SOX5: variants seen among roughly 807,000 people sequenced by gnomAD.
The protein encoded by SOX5 is transcription factor SOX-5.
A neutral mutation model predicts 92.0 loss-of-function variants in SOX5; 9 were observed. That is an observed-to-expected ratio of 0.10 (90% CI 0.06 to 0.17). The LOEUF (loss-of-function observed/expected upper bound fraction) is 0.17. Ranked by LOEUF, SOX5 falls within the 10% of genes least tolerant of loss-of-function variation. The pLI is 1.00. For synonymous variants in SOX5, 344 were observed against 336.3 expected (o/e 1.02, Z -0.25); for missense variants, 642 against 944.5 (o/e 0.68, Z 4.20).
intron 1 of SOX5, among the ~76,000 whole-genome samples, chr12:24,530,742 CAA>C (rs1232680620): frequency 1.9e-4 from 21 of 108,358 alleles, no homozygotes; most frequent in Admixed American, 1.9e-4. Context: ...GACTCCATCT[CAA>C]AAAAAAAAAA....
chr12:23,927,092 G>T lies in SOX5; in HGVS notation c.38+22472C>A, dbSNP rs1486530054. Among the ~76,000 whole-genome samples, 4 of 152,128 alleles carry T rather than the reference G, an allele frequency of 2.6e-5. No homozygotes were observed. The East Asian group carries it at 7.7e-4, about 29-fold the overall frequency. ...TTAAAAACTGGACATTCCTTGCTTT[G>T]TTTTTCCAAAAGGATTATAGTCTGG... On this transcript the variant is annotated intron_variant, in intron 1 of 14. Transcript: ENST00000451604.
intron 4 of SOX5, among the ~76,000 whole-genome samples, chr12:24,076,777 T>G (rs1036001366): frequency 6.7e-6 from 1 of 148,708 alleles, no homozygotes; most frequent in Non-Finnish European, 1.5e-5. Context: ...ATGAGACTTC[T>G]AATTCTCTTT....
intron 4 of SOX5, among the ~76,000 whole-genome samples, chr12:24,143,586 C>T (rs1480899140): frequency 6.6e-6 from 1 of 151,980 alleles, no homozygotes; most frequent in Admixed American, 6.6e-5. Context: ...CAGAAATGCA[C>T]TGGATGGGAT....
intron 4 of SOX5, among the ~76,000 whole-genome samples, chr12:23,965,202 C>T (rs900165989): frequency 6.6e-6 from 1 of 152,222 alleles, no homozygotes; most frequent in Non-Finnish European, 1.5e-5. Flanking sequence ...TCTGGTGGAA[C>T]CTGTAAAACC....
intron 2 of SOX5, among the ~76,000 whole-genome samples, chr12:24,329,108 G>A (rs113503596): frequency 6.6e-6 from 1 of 152,212 alleles, no homozygotes; most frequent in African/African-American, 2.4e-5. Flanking sequence ...TGCTACCAAG[G>A]TTTATATTGT....
At chr12:23,609,729 A>G (rs995668105) in intron 8 of SOX5, among the ~76,000 whole-genome samples, 1 of 152,146 alleles carries the variant, frequency 6.6e-6, no homozygotes, top group African/African-American at 2.4e-5. Flanking sequence ...TCACACAGAG[A>G]GGATTTCCCT....
chr12:23,625,704 G>T (rs1313472715), intron 8 of SOX5, among the ~76,000 whole-genome samples: 1 of 152,106 alleles, frequency 6.6e-6, no homozygotes, highest in Non-Finnish European at 1.5e-5. Flanking sequence ...CTGCGTCCTG[G>T]GTTCAAATGA....
At chr12:23,713,538 G>C (rs1339898491) in intron 6 of SOX5, among the ~76,000 whole-genome samples, 1 of 151,890 alleles carries the variant, frequency 6.6e-6, no homozygotes, top group Non-Finnish European at 1.5e-5. Flanking sequence ...TAGGGAATTT[G>C]TGGGATGTTG....
intron 1 of SOX5, among the ~76,000 whole-genome samples, chr12:24,384,482 T>C (rs1207818175): frequency 6.6e-6 from 1 of 152,192 alleles, no homozygotes; most frequent in East Asian, 1.9e-4. Context: ...GCAATTTGGA[T>C]ATGCAAAAGA....
At chr12:23,985,412 G>A (rs537197422) in intron 4 of SOX5, among the ~76,000 whole-genome samples, 2 of 152,044 alleles carry the variant, frequency 1.3e-5, no homozygotes, top group South Asian at 2.1e-4. Flanking sequence ...ACCATGCCTG[G>A]CCTGTATTTT....
chr12:23,608,962 A>G (rs996323841), intron 8 of SOX5, among the ~76,000 whole-genome samples: 1 of 152,188 alleles, frequency 6.6e-6, no homozygotes, highest in African/African-American at 2.4e-5. Flanking sequence ...GAAAACAATG[A>G]GACTATAAGT....
intron 6 of SOX5, among the ~76,000 whole-genome samples, chr12:23,704,685 T>C (rs1567099382): frequency 2.7e-5 from 2 of 75,042 alleles, no homozygotes; most frequent in Non-Finnish European, 5.5e-5. Flanking sequence ...TATATATGCA[T>C]GCATATATAT....
intron 2 of SOX5, among the ~76,000 whole-genome samples, chr12:23,860,959 A>T (rs866335403): frequency 8.0e-4 from 108 of 134,444 alleles, no homozygotes; most frequent in African/African-American, 2.6e-3. Context: ...TTGTAAAAAA[A>T]AAAAAAAAAA....
At chr12:24,444,868 C>T (rs1033304272) in intron 1 of SOX5, among the ~76,000 whole-genome samples, 5 of 152,200 alleles carry the variant, frequency 3.3e-5, no homozygotes, top group African/African-American at 1.2e-4. Context: ...GCCCATCCTG[C>T]TTCCTGAGCC....
Position 23,854,905 on chromosome 12 carries a change from T to A in SOX5, c.271-8712A>T, listed in dbSNP as rs964318126. Among the ~76,000 whole-genome samples, 3 of 152,230 alleles carry A rather than the reference T, an allele frequency of 2.0e-5. No homozygotes were observed. The East Asian group carries it at 5.8e-4, about 29-fold the overall frequency. On this transcript the variant is annotated intron_variant, in intron 2 of 14. Coordinates refer to ENST00000451604, the MANE Select transcript of SOX5 (RefSeq NM_006940.6). Reference sequence around the variant, plus strand: ...TAATGAGTTATATGAGCTGGGGTATTACATAAGTTAATAATATGTGTTATG... The same window carrying A: ...TAATGAGTTATATGAGCTGGGGTATAACATAAGTTAATAATATGTGTTATG...
At chr12:24,026,666 T>C (rs1458595484) in intron 4 of SOX5, among the ~76,000 whole-genome samples, 1 of 139,942 alleles carries the variant, frequency 7.1e-6, no homozygotes, top group Non-Finnish European at 1.6e-5. Context: ...GTCTATTAGA[T>C]AAAAAAAAAA....
At chr12:24,016,329 AC>A (rs1338387558) in intron 4 of SOX5, among the ~76,000 whole-genome samples, 1 of 152,202 alleles carries the variant, frequency 6.6e-6, no homozygotes, top group Non-Finnish European at 1.5e-5. Context: ...GGGAAAAAAA[AC>A]AACCATACAC....
rs1378979301 is a variant in SOX5 at position 24,393,790 on chromosome 12, G to A, written c.-250-25151C>T. 2.0e-5 allele frequency among the ~76,000 whole-genome samples: 3 copies of A among 152,100 alleles called. No individual in the cohort carries two copies. The highest frequency in any genetic ancestry group is 4.4e-5 in the Non-Finnish European group (3 of 68,016). ...TGTTTCCCATCTTCAAAGAAGTGGG[G>A]AAATTTAAGACTACATATTACATAT... On this transcript the variant is annotated intron_variant, in intron 1 of 4. Transcript: ENST00000446891. This position sits in a 1 kb window ranked among gnomAD's most constrained non-coding sequence, Gnocchi z 5.0.
intron 8 of SOX5, among the ~76,000 whole-genome samples, chr12:23,637,276 G>C (rs1374077540): frequency 6.6e-6 from 1 of 152,058 alleles, no homozygotes; most frequent in Non-Finnish European, 1.5e-5. Flanking sequence ...CTGCCTTATC[G>C]AGTATAGCTG....
Sources: gnomAD v4.1 joint callset for allele counts (sites outside exome capture counted in the v4.1 genomes callset) on GRCh38, gnomAD v4.1.1 for gene constraint, Gnocchi (gnomAD v3.1) non-coding constraint, MANE v1.5 for transcripts, NCBI Gene and HGNC (gene_info 2026-07-23, HGNC 2026-07-21) for gene names.